Variants in CACNA2D3 observed in about 807,000 individuals in gnomAD.
The protein encoded by CACNA2D3 is calcium voltage-gated channel auxiliary subunit alpha2delta 3.
In CACNA2D3, 60 loss-of-function variants were observed where a neutral mutation model predicts 160.6. That is an observed-to-expected ratio of 0.37 (90% confidence interval 0.30 to 0.46). The LOEUF (loss-of-function observed/expected upper bound fraction) is 0.46, where lower values mean the gene tolerates loss of function less well. Ranked by LOEUF, CACNA2D3 falls within the 20% of genes least tolerant of loss-of-function variation. The pLI is 1.00. For missense variants in CACNA2D3, 1,205 were observed against 1,365.0 expected (o/e 0.88, Z 1.85); for synonymous variants, 558 against 492.9 (o/e 1.13, Z -1.75).
At chr3:55,042,533 C>T (rs1265924056) in intron 35 of CACNA2D3, among the ~76,000 whole-genome samples, 1 of 152,064 alleles carries the variant, frequency 6.6e-6, no homozygotes, top group Non-Finnish European at 1.5e-5. Flanking sequence ...TTATCTGTGT[C>T]TTTGTATTTA....
rs1337149039 is a variant in CACNA2D3, at chr3:54,763,758, C to CACATATATATGTATATATGT, written c.1247-441_1247-422dup. 1.3e-3 allele frequency among the ~76,000 whole-genome samples: 36 copies of CACATATATATGTATATATGT among 28,634 alleles called. 7 individuals are homozygous for CACATATATATGTATATATGT. Among genetic ancestry groups the CACATATATATGTATATATGT allele is most frequent in the African/African-American group, 2.5e-3 (34 of 13,688 alleles). 18.8% of individuals were successfully genotyped at this position (28,634 alleles called of 152,430 possible). On this transcript the variant is annotated intron_variant, in intron 12 of 37. Transcript: ENST00000474759. ...ATGTGTATATATGTGCATATATATA[C>CACATATATATGTATATATGT]ACATATATATGTATATATGTACATA...
intron 4 of CACNA2D3, among the ~76,000 whole-genome samples, chr3:54,482,573 G>C (rs964778844): frequency 1.3e-5 from 2 of 152,114 alleles, no homozygotes; most frequent in Non-Finnish European, 2.9e-5. Flanking sequence ...ATTAGGGCAG[G>C]GATTTATATT....
At chr3:55,024,052 A>G (rs1703514724) in intron 35 of CACNA2D3, among the ~76,000 whole-genome samples, 2 of 122,778 alleles carry the variant, frequency 1.6e-5, no homozygotes, top group Admixed American at 1.0e-4. Flanking sequence ...CTACCATGTT[A>G]TAGTTTGTTT....
At chr3:54,343,153 C>T (rs1374754295) in intron 3 of CACNA2D3, among the ~76,000 whole-genome samples, 1 of 152,132 alleles carries the variant, frequency 6.6e-6, no homozygotes, top group Non-Finnish European at 1.5e-5. Flanking sequence ...TTGTTTAACC[C>T]AGAGAAGTGC....
chr3:54,924,772 G>T, intron 27 of CACNA2D3: 2 of 1,614,128 alleles, frequency 1.2e-6, no homozygotes, highest in East Asian at 2.2e-5. Context: ...TGAACCGCAA[G>T]TATAGTTAGG....
chr3:54,937,114 T>C (rs577295657), intron 27 of CACNA2D3, among the ~76,000 whole-genome samples: 23 of 152,330 alleles, frequency 1.5e-4, no homozygotes, highest in African/African-American at 5.3e-4. Flanking sequence ...TTTCCACTTC[T>C]GAAGGTGAAG....
chr3:54,516,012 T>C (rs1483618833), intron 5 of CACNA2D3, among the ~76,000 whole-genome samples: 1 of 152,210 alleles, frequency 6.6e-6, no homozygotes, highest in African/African-American at 2.4e-5. Flanking sequence ...TCTCCTCTGC[T>C]TAGATCCATT....
chr3:54,935,949 A>G (rs755474035), intron 27 of CACNA2D3, among the ~76,000 whole-genome samples: 25 of 152,318 alleles, frequency 1.6e-4, no homozygotes, highest in South Asian at 4.1e-4. Context: ...TGTGAGTCCA[A>G]TCATTTCATT....
chr3:55,004,920 T>G (rs982206418), intron 32 of CACNA2D3, 82 bp downstream of exon 32: 2 of 937,468 alleles, frequency 2.1e-6, no homozygotes, highest in Non-Finnish European at 3.3e-6. Flanking sequence ...CTCTTTGGAG[T>G]AATCAAGTTT....
At chr3:54,464,038 C>G (rs1416916006) in intron 4 of CACNA2D3, among the ~76,000 whole-genome samples, 1 of 152,224 alleles carries the variant, frequency 6.6e-6, no homozygotes, top group Non-Finnish European at 1.5e-5. Context: ...GAGGTGCACT[C>G]CAGACCCTGT....
At chr3:54,311,408 A>G (rs1325457386) in intron 2 of CACNA2D3, among the ~76,000 whole-genome samples, 2 of 152,186 alleles carry the variant, frequency 1.3e-5, no homozygotes, top group African/African-American at 2.4e-5. Context: ...TTCATAGACT[A>G]CATCTTCCAG....
At chr3:54,454,406 G>A (rs1700361391) in intron 4 of CACNA2D3, among the ~76,000 whole-genome samples, 1 of 151,978 alleles carries the variant, frequency 6.6e-6, no homozygotes, top group Non-Finnish European at 1.5e-5. Flanking sequence ...CTCACTCCTG[G>A]CAACCACTGA....
chr3:54,316,816 C>T (rs1233774879), intron 2 of CACNA2D3, among the ~76,000 whole-genome samples: 1 of 152,186 alleles, frequency 6.6e-6, no homozygotes, highest in African/African-American at 2.4e-5. Context: ...TTCAATAAAT[C>T]GATTCCCTTC....
intron 3 of CACNA2D3, among the ~76,000 whole-genome samples, chr3:54,331,372 C>T (rs1160179557): frequency 6.6e-6 from 1 of 152,168 alleles, no homozygotes; most frequent in African/African-American, 2.4e-5. Context: ...CCCCAAGGAA[C>T]ATTGAGTTTG....
intron 4 of CACNA2D3, among the ~76,000 whole-genome samples, chr3:54,460,046 C>A (rs1226799208): frequency 6.6e-6 from 1 of 151,866 alleles, no homozygotes; most frequent in Non-Finnish European, 1.5e-5. Flanking sequence ...TTCCCCATTG[C>A]TTGTTTTTCT....
chr3:54,129,241 T>C (rs1699658834), intron 2 of CACNA2D3, among the ~76,000 whole-genome samples: 3 of 152,228 alleles, frequency 2.0e-5, no homozygotes, highest in Admixed American at 2.0e-4. Context: ...TAGGTATTTG[T>C]ATAGCTGATG....
rs557543060 is a variant in CACNA2D3, at chr3:54,463,803, G to A, written c.382-39689G>A. 2.4e-4 allele frequency among the ~76,000 whole-genome samples: 37 copies of A among 152,256 alleles called. 1 individual carries two copies. In the South Asian group the frequency reaches 4.6e-3, roughly 19 times the overall value. ...GTCATTCTCCATCCAGCTTTGTTCC[G>A]TTGCTGGTGAGGAACTGCGTTCTTT... On this transcript the variant is annotated intron_variant, in intron 4 of 37. Coordinates refer to ENST00000474759, the MANE Select transcript of CACNA2D3 (RefSeq NM_018398.3).
chr3:54,210,642 G>T (rs891709757), intron 2 of CACNA2D3, among the ~76,000 whole-genome samples: 3 of 152,154 alleles, frequency 2.0e-5, no homozygotes, highest in African/African-American at 7.2e-5. Flanking sequence ...GGGCCATCAT[G>T]TCCTGGAGGG....
intron 13 of CACNA2D3, among the ~76,000 whole-genome samples, chr3:54,782,460 A>G (rs1702554568): frequency 6.6e-6 from 1 of 152,106 alleles, no homozygotes; most frequent in Non-Finnish European, 1.5e-5. Flanking sequence ...TCAGGATAAC[A>G]TTATTACTTA....
Sources: allele counts gnomAD v4.1 joint callset (sites outside exome capture counted in the v4.1 genomes callset), GRCh38; gene constraint gnomAD v4.1.1; transcripts MANE v1.5; gene names NCBI Gene and HGNC (gene_info 2026-07-23, HGNC 2026-07-21).